CCDC27: variants seen among roughly 807,000 people sequenced by gnomAD.
CCDC27 encodes the protein coiled-coil domain containing 27.
CCDC27 carries 80 observed loss-of-function variants against 80.3 expected under a neutral mutation model. The ratio of observed to expected loss-of-function variants is 1.00; its 90% CI spans 0.83 to 1.20. The LOEUF (loss-of-function observed/expected upper bound fraction) is 1.20, where lower values mean the gene tolerates loss of function less well. CCDC27 is among the 50% of genes most tolerant of loss of function. The pLI is 0.00. For missense variants in CCDC27, 815 were observed against 809.4 expected, an observed-to-expected ratio of 1.01 and a Z score of -0.08; for synonymous variants, 342 against 334.3, an observed-to-expected ratio of 1.02 and a Z score of -0.25.
rs1251730166 is a variant in CCDC27, at chr1:3,760,419, ATTAAT to A, written c.712-859_712-855del. Reference sequence around the variant, plus strand: ...TTCCTTTTCTTCTACTTTCTGCGGGATTAATTTTAGTTCTTTTTCTGAACTCTTGA... The same window carrying A: ...TTCCTTTTCTTCTACTTTCTGCGGGATTTAGTTCTTTTTCTGAACTCTTGA... On this transcript the variant is annotated intron_variant, in intron 4 of 11. Coordinates refer to ENST00000294600, the MANE Select transcript of CCDC27 (RefSeq NM_152492.3). This position sits in a 1 kb window ranked among gnomAD's most constrained non-coding sequence, Gnocchi z 4.3. 1.3e-5 allele frequency among the ~76,000 whole-genome samples: 2 copies of A among 150,876 alleles called. No homozygotes were observed. Among genetic ancestry groups the A allele is most frequent in the Non-Finnish European group, 3.0e-5 (2 of 67,778 alleles).
chr1:3,765,441 T>C (rs75596937), intron 8 of CCDC27, among the ~76,000 whole-genome samples: 2,599 of 152,312 alleles, frequency 0.017, 72 homozygotes, highest in African/African-American at 0.059. Flanking sequence ...TCTCACACTA[T>C]TGGACCTCCT....
Position 3,768,402 on chromosome 1 carries a change from C to G in CCDC27, c.1743+957C>G, listed in dbSNP as rs1310065651. On this transcript the variant is annotated intron_variant, in intron 10 of 11. Coordinates refer to ENST00000294600, the MANE Select transcript of CCDC27 (RefSeq NM_152492.3). The surrounding 1 kb of genome is among the most constrained non-coding windows in gnomAD (Gnocchi z 5.6). ...GTGAGCTACCGTGCCTGGCCCTGAC[C>G]TTGATTTAGAATCCAAAATTAAGCA... 6.6e-6 allele frequency among the ~76,000 whole-genome samples: 1 copy of G among 152,134 alleles called. No individual in the cohort carries two copies. Among genetic ancestry groups the G allele is most frequent in the Non-Finnish European group, 1.5e-5 (1 of 68,034 alleles).
Position 3,769,974 on chromosome 1 carries a change from C to A in CCDC27, c.1848+87C>A, listed in dbSNP as rs375250113. 714 of 933,488 alleles carry A rather than the reference C, an allele frequency of 7.6e-4. 2 individuals carry two copies. The African/African-American group carries it at 0.01, about 13-fold the overall frequency. 57.8% of individuals were successfully genotyped at this position (933,488 alleles called of 1,614,324 possible). ...AGGGGGTTGTGGGGGGCCTAGATTC[C>A]AGGGACTCTGTTCTCATCCTACCTG... On this transcript the variant is annotated intron_variant, in intron 11 of 11. Transcript: ENST00000294600. The surrounding 1 kb of genome is among the most constrained non-coding windows in gnomAD (Gnocchi z 4.6).
chr1:3,764,606 T>A (rs758023621), intron 8 of CCDC27, among the ~76,000 whole-genome samples: 2 of 152,168 alleles, frequency 1.3e-5, no homozygotes, highest in Non-Finnish European at 2.9e-5. Flanking sequence ...CACACATACA[T>A]AAATAAAATA....
At chr1:3,762,874 C>A in intron 6 of CCDC27, 162 bp downstream of exon 6, 1 of 801,988 alleles carries the variant, frequency 1.2e-6, no homozygotes, top group Non-Finnish European at 1.9e-6. Flanking sequence ...TCGTTAGCCC[C>A]CTTGAAGGCA....
At chr1:3,764,126 A>C (rs1570714714) in intron 8 of CCDC27, among the ~76,000 whole-genome samples, 2 of 152,140 alleles carry the variant, frequency 1.3e-5, no homozygotes, top group African/African-American at 4.8e-5. Flanking sequence ...GCCACTCCTC[A>C]AGCATCTCCT....
At chr1:3,755,668 C>A (rs545859943) in intron 3 of CCDC27, 101 bp downstream of exon 3, 3 of 996,236 alleles carry the variant, frequency 3.0e-6, no homozygotes, top group African/African-American at 3.2e-5. Context: ...AATTCCCTCC[C>A]GGGACTGTCT....
intron 2 of CCDC27, 87 bp downstream of exon 2, chr1:3,754,328 G>T (rs1343397381): frequency 4.1e-6 from 6 of 1,446,958 alleles, no homozygotes; most frequent in South Asian, 1.5e-5. Context: ...TTCAGCCTGC[G>T]AGCAGCCGCC....
Position 3,764,975 on chromosome 1 carries a change from C to T in CCDC27, c.1452+1139C>T, listed in dbSNP as rs187105519. On this transcript the variant is annotated intron_variant, in intron 8 of 11. Transcript: ENST00000294600. The stretch of plus-strand genomic sequence containing the variant: ...GCTTGAACCCAGGAGAAGGAGGTTG[C>T]AGTGAGCCAAGATTGCACCATTGCA... Among the ~76,000 whole-genome samples, 9 of 147,678 alleles carry T rather than the reference C, an allele frequency of 6.1e-5. No homozygotes were observed. In the Admixed American group the frequency reaches 6.2e-4, roughly 10 times the overall value.
At position 3,756,807 on chromosome 1, in the gene CCDC27, A is replaced by G; in HGVS notation, c.628A>G (p.Ser210Gly). Residue 210 changes from serine (S) to glycine (G), a missense_variant, in exon 4 of 12, where the codon AGT (serine) becomes GGT (glycine). Ser to Gly is a moderately conservative substitution (Grantham distance 56, BLOSUM62 0). Coordinates refer to ENST00000294600, the MANE Select transcript of CCDC27 (RefSeq NM_152492.3). ...LRKRRKSQTLSPVTSSSVASQ... is the reference protein window; with the variant it reads ...LRKRRKSQTLGPVTSSSVASQ... ...GAAGAGGAGAAAATCCCAGACTTTG[A>G]GTCCGGTCACCAGCAGCTCAGTCGC... The G allele has an allele frequency of 6.2e-7, 1 of 1,613,976 alleles. No homozygotes were observed. Among genetic ancestry groups the G allele is most frequent in the African/African-American group, 1.3e-5 (1 of 75,040 alleles).
chr1:3,768,813 G>A lies in CCDC27; in HGVS notation c.1744-970G>A, dbSNP rs1348854577. On this transcript the variant is annotated intron_variant, in intron 10 of 11. Coordinates refer to ENST00000294600, the MANE Select transcript of CCDC27 (RefSeq NM_152492.3). This position sits in a 1 kb window ranked among gnomAD's most constrained non-coding sequence, Gnocchi z 5.6. Reference sequence around the variant, plus strand: ...TAGCTGCCAACCTCTACCCTGGGGAGGGACCCCCAGTACAGAGGCCCAGCC... The same window carrying A: ...TAGCTGCCAACCTCTACCCTGGGGAAGGACCCCCAGTACAGAGGCCCAGCC... Among the ~76,000 whole-genome samples the A allele has an allele frequency of 6.6e-6, 1 of 152,162 alleles. No homozygotes were observed. Among genetic ancestry groups the A allele is most frequent in the Admixed American group, 6.5e-5 (1 of 15,282 alleles).
In CCDC27 at chr1:3,763,684, C is replaced by T. The variant is rs185587411; in HGVS notation, c.1322-22C>T. The stretch of plus-strand genomic sequence containing the variant: ...CACTGCCCCTGCTTGCTCCTGCTCA[C>T]CGCCTCTGCCTCTGTGCCCAGGAGT... On this transcript the variant is annotated intron_variant, in intron 7 of 11. Coordinates refer to ENST00000294600, the MANE Select transcript of CCDC27 (RefSeq NM_152492.3). The surrounding 1 kb of genome is among the most constrained non-coding windows in gnomAD (Gnocchi z 7.5). The T allele has an allele frequency of 1.2e-6, 2 of 1,613,774 alleles. No individual in the cohort carries two copies. The highest frequency in any genetic ancestry group is 8.5e-7 in the Non-Finnish European group (1 of 1,179,814).
chr1:3,764,473 T>C (rs116472767), intron 8 of CCDC27, among the ~76,000 whole-genome samples: 1,768 of 152,214 alleles, frequency 0.012, 11 homozygotes, highest in Middle Eastern at 0.038. Flanking sequence ...GCTTCCTTTT[T>C]TTTCCTCCCT....
chr1:3,762,109 C>G (rs2124593926), intron 5 of CCDC27, among the ~76,000 whole-genome samples: 1 of 152,296 alleles, frequency 6.6e-6, no homozygotes, highest in Non-Finnish European at 1.5e-5. Context: ...ATTTCTTTCA[C>G]ACCTGAGGAG....
At position 3,752,799 on chromosome 1, in the gene CCDC27, G is replaced by C; in HGVS notation, c.318G>C (p.Thr106=). 1 of 1,609,712 alleles carries C rather than the reference G, an allele frequency of 6.2e-7. No homozygotes were observed. Among genetic ancestry groups the C allele is most frequent in the Non-Finnish European group, 8.5e-7 (1 of 1,177,062 alleles). Residue 106 remains threonine (T), a splice_region_variant and synonymous_variant, in exon 1 of 12, where the codon ACG becomes ACC. Coordinates refer to ENST00000294600, the MANE Select transcript of CCDC27 (RefSeq NM_152492.3). Reference sequence around the variant, plus strand: ...CCATCAGCCGCTACTACAGGAAGACGGTATGGGGTCCCGGGAGGAGGGCTG... The same window carrying C: ...CCATCAGCCGCTACTACAGGAAGACCGTATGGGGTCCCGGGAGGAGGGCTG... The part of the protein sequence containing the change: ...VQTISRYYRK[T]SEPKDAASLT...
At position 3,763,784 on chromosome 1, in the gene CCDC27, T is replaced by C; in HGVS notation, c.1400T>C (p.Leu467Pro). 3 of 1,614,158 alleles carry C rather than the reference T, an allele frequency of 1.9e-6. No individual in the cohort carries two copies. The highest frequency in any genetic ancestry group is 2.5e-6 in the Non-Finnish European group (3 of 1,180,000). ...LRKINTENET[L>P]QKELRERRQQ... ...AAGATCAATACGGAAAATGAGACGC[T>C]GCAGAAGGAGCTCCGAGAGCGGAGG... is the stretch of plus-strand genomic sequence containing the variant. The change falls in exon 8 of 12, where the codon CTG (leucine) becomes CCG (proline). Residue 467 changes from leucine (L) to proline (P), a missense_variant. Physicochemically the swap from Leu to Pro is moderately conservative, Grantham distance 98 (BLOSUM62 -3). Coordinates refer to ENST00000294600, the MANE Select transcript of CCDC27 (RefSeq NM_152492.3). The surrounding 1 kb of genome is among the most constrained non-coding windows in gnomAD (Gnocchi z 7.5).
At position 3,761,379 on chromosome 1, in the gene CCDC27, A is replaced by G. The variant is rs1287338575; in HGVS notation, c.810A>G (p.Lys270=). Residue 270 remains lysine (K), a synonymous_variant, in exon 5 of 12, where the codon AAA becomes AAG. Transcript: ENST00000294600. This position sits in a 1 kb window ranked among gnomAD's most constrained non-coding sequence, Gnocchi z 5.0. ...EEREALKMQL[K]CLLKGKGQET... ...GGGAGGCCCTGAAGATGCAGCTGAA[A>G]TGCCTTCTGAAAGGCAAAGGCCAAG... 7 of 1,614,130 alleles carry G rather than the reference A, an allele frequency of 4.3e-6. No homozygotes were observed. Among genetic ancestry groups the G allele is most frequent in the Middle Eastern group, 3.3e-4 (2 of 6,046 alleles).
In CCDC27 at chr1:3,761,319, G is replaced by A; in HGVS notation, c.750G>A (p.Lys250=). ...CLSELEIQVQ[K]KDEEILLLQE... ...CTGAGCTGGAGATACAGGTTCAGAAGAAAGACGAGGAGATCCTGCTGCTCC... is the reference window on the plus strand; with the variant it reads ...CTGAGCTGGAGATACAGGTTCAGAAAAAAGACGAGGAGATCCTGCTGCTCC... Residue 250 remains lysine, a synonymous_variant, in exon 5 of 12, where the codon AAG becomes AAA. Coordinates refer to ENST00000294600, the MANE Select transcript of CCDC27 (RefSeq NM_152492.3). The surrounding 1 kb of genome is among the most constrained non-coding windows in gnomAD (Gnocchi z 5.0). 6.2e-7 allele frequency: 1 copy of A among 1,614,184 alleles called. No homozygotes were observed. The highest frequency in any genetic ancestry group is 1.1e-5 in the South Asian group (1 of 91,084).
rs1290339423 is a variant in CCDC27 at position 3,763,291 on chromosome 1, A to G, written c.1138A>G (p.Arg380Gly). The G allele has an allele frequency of 6.2e-7, 1 of 1,600,976 alleles. No individual in the cohort carries two copies. Among genetic ancestry groups the G allele is most frequent in the Non-Finnish European group, 8.5e-7 (1 of 1,173,350 alleles). ...GGAGGAGGAAGAGGAGGAAGGGGAC[A>G]GGGATGAGGACTCAGAGGAAAGGGA... ...SEEEEEEEGD[R>G]DEDSEERELP... The change falls in exon 7 of 12, where the codon AGG (arginine) becomes GGG (glycine). Residue 380 changes from arginine (R) to glycine (G), a missense_variant. Arg to Gly is a moderately radical substitution (Grantham distance 125, BLOSUM62 -2). Coordinates refer to ENST00000294600, the MANE Select transcript of CCDC27 (RefSeq NM_152492.3). The surrounding 1 kb of genome is among the most constrained non-coding windows in gnomAD (Gnocchi z 7.5).
Sources: allele counts gnomAD v4.1 joint callset (sites outside exome capture counted in the v4.1 genomes callset), GRCh38; gene constraint gnomAD v4.1.1; non-coding constraint Gnocchi (gnomAD v3.1); transcripts MANE v1.5; gene names NCBI Gene and HGNC (gene_info 2026-07-23, HGNC 2026-07-21).